Variants in PRKAR1B observed in about 807,000 individuals in gnomAD.
The protein encoded by PRKAR1B is protein kinase cAMP-dependent type I regulatory subunit beta.
A neutral mutation model predicts 46.5 loss-of-function variants in PRKAR1B; 22 were observed. The ratio of observed to expected loss-of-function variants is 0.47; its 90% CI spans 0.34 to 0.68. The LOEUF is 0.68. PRKAR1B is among the 30% of genes least tolerant of loss of function. PRKAR1B has a pLI of 0.01. For synonymous variants in PRKAR1B, 259 were observed against 217.7 expected (o/e 1.19, Z -1.67); for missense variants, 445 against 535.6 (o/e 0.83, Z 1.67).
intron 4 of PRKAR1B, among the ~76,000 whole-genome samples, chr7:654,006 C>A (rs1583362302): frequency 6.6e-6 from 1 of 151,792 alleles, no homozygotes; most frequent in East Asian, 1.9e-4. Context: ...TCATCACCAT[C>A]TCTATCTTCA....
At position 553,152 on chromosome 7, in the gene PRKAR1B, CCT is replaced by C. The variant is rs569687297; in HGVS notation, c.892-1684_892-1683del. On this transcript the variant is annotated intron_variant, in intron 9 of 10. Transcript: ENST00000537384. ...ACGGGGCTGCCGTGTCACTGTCCCC[CCT>C]GAGACTCCGCCTGCCGGGAACCTAG... 4.7e-3 allele frequency among the ~76,000 whole-genome samples: 716 copies of C among 152,298 alleles called. 2 individuals carry two copies. Among genetic ancestry groups the C allele is most frequent in the Non-Finnish European group, 6.5e-3 (445 of 68,002 alleles).
chr7:671,662 G>T (rs1258601982), intron 4 of PRKAR1B, among the ~76,000 whole-genome samples: 4 of 152,050 alleles, frequency 2.6e-5, no homozygotes, highest in African/African-American at 9.7e-5. Flanking sequence ...TGTTGCCCAG[G>T]TTAAGACACA....
chr7:638,847 C>T (rs1043930056), intron 4 of PRKAR1B, among the ~76,000 whole-genome samples: 10 of 152,146 alleles, frequency 6.6e-5, no homozygotes, highest in Non-Finnish European at 1.3e-4. Flanking sequence ...GAGGCTGAAG[C>T]GGGCGGATCA....
At chr7:588,715 TGGTGATGG>T (rs1780776571) in intron 7 of PRKAR1B, among the ~76,000 whole-genome samples, 1 of 119,542 alleles carries the variant, frequency 8.4e-6, no homozygotes, top group Admixed American at 7.8e-5. Context: ...ATGGTGATGG[TGGTGATGG>T]TGGTGAGGAT....
rs115850871 is a variant in PRKAR1B at position 704,212 on chromosome 7, G to C, written c.177+7117C>G. 8.3e-3 allele frequency among the ~76,000 whole-genome samples: 1,258 copies of C among 151,946 alleles called. 22 individuals are homozygous for C. Among genetic ancestry groups the C allele is most frequent in the African/African-American group, 0.029 (1,192 of 41,442 alleles). ...AAATGAAATAATAAAAATAAGAGGA[G>C]AAACAGATAAAATCTAAACAAAAAT... On this transcript the variant is annotated intron_variant, in intron 2 of 10. Coordinates refer to ENST00000537384, the MANE Select transcript of PRKAR1B (RefSeq NM_001164760.2).
intron 9 of PRKAR1B, among the ~76,000 whole-genome samples, chr7:559,461 C>T (rs1583200446): frequency 6.6e-6 from 1 of 152,194 alleles, no homozygotes; most frequent in African/African-American, 2.4e-5. Context: ...GTCGCACTTC[C>T]CCATGCCCGG....
At chr7:563,650 GAA>G (rs1454315981) in intron 9 of PRKAR1B, among the ~76,000 whole-genome samples, 2 of 152,078 alleles carry the variant, frequency 1.3e-5, no homozygotes, top group Non-Finnish European at 2.9e-5. Context: ...TGCCAGAACA[GAA>G]GTCTGTGTGA....
At chr7:718,807 T>C (rs944117859) in intron 1 of PRKAR1B, among the ~76,000 whole-genome samples, 6 of 151,204 alleles carry the variant, frequency 4.0e-5, no homozygotes, top group African/African-American at 1.5e-4. Flanking sequence ...TTCTCTTACA[T>C]ACTTCTTGTT....
At chr7:566,498 CCTTCAT>C (rs1779159064) in intron 9 of PRKAR1B, among the ~76,000 whole-genome samples, 1 of 1,240 alleles carries the variant, frequency 8.1e-4, no homozygotes, top group Admixed American at 9.6e-3. Flanking sequence ...ACTATCATCA[CCTTCAT>C]CACCATCATG....
At position 702,005 on chromosome 7, in the gene PRKAR1B, G is replaced by A. The variant is rs192885008; in HGVS notation, c.177+9324C>T. 3.3e-5 allele frequency among the ~76,000 whole-genome samples: 5 copies of A among 152,270 alleles called. No homozygotes were observed. The East Asian group carries it at 9.6e-4, about 29-fold the overall frequency. On this transcript the variant is annotated intron_variant, in intron 2 of 10. Transcript: ENST00000537384. The stretch of plus-strand genomic sequence containing the variant: ...GCCCCTCTTAAATTACTGAAAATAC[G>A]TGAAAGTGTTAAAAGTAAAAATTAT...
chr7:552,008 CACCCA>C (rs1784248130), intron 9 of PRKAR1B, among the ~76,000 whole-genome samples: 1 of 102,296 alleles, frequency 9.8e-6, no homozygotes, highest in Non-Finnish European at 1.9e-5. Context: ...CCCCACCTCC[CACCCA>C]GGTCCTTCTC....
At chr7:556,444 C>G (rs987319839) in intron 9 of PRKAR1B, among the ~76,000 whole-genome samples, 1 of 152,108 alleles carries the variant, frequency 6.6e-6, no homozygotes, top group African/African-American at 2.4e-5. Context: ...AGAAGGGCCT[C>G]TGGGGACGTC....
intron 9 of PRKAR1B, 47 bp from the exon 10 acceptor site, chr7:551,517 G>T (rs146439336): frequency 6.5e-7 from 1 of 1,535,126 alleles, no homozygotes; most frequent in South Asian, 1.2e-5. Context: ...GGCGGGTGCA[G>T]GGTGGGACAC....
chr7:687,723 C>A (rs1165705781), intron 2 of PRKAR1B, among the ~76,000 whole-genome samples: 1 of 152,174 alleles, frequency 6.6e-6, no homozygotes, highest in African/African-American at 2.4e-5. Context: ...AACACAAACT[C>A]CCACACAGGA....
intron 4 of PRKAR1B, among the ~76,000 whole-genome samples, chr7:632,825 G>C (rs911711995): frequency 6.8e-6 from 1 of 146,578 alleles, no homozygotes; most frequent in African/African-American, 2.5e-5. Flanking sequence ...CAACAGGTCT[G>C]GGACTCTACG....
chr7:582,719 G>A (rs1394917562), intron 8 of PRKAR1B, among the ~76,000 whole-genome samples: 2 of 152,212 alleles, frequency 1.3e-5, no homozygotes, highest in African/African-American at 2.4e-5. Context: ...TCTCGACAGC[G>A]CTGGTGAATG....
chr7:588,648 A>G (rs1780761112), intron 7 of PRKAR1B, among the ~76,000 whole-genome samples: 1 of 140,982 alleles, frequency 7.1e-6, no homozygotes, highest in African/African-American at 2.8e-5. Flanking sequence ...GATGGTGGTG[A>G]TGGTGGTGAG....
chr7:620,840 C>A (rs562216349), intron 4 of PRKAR1B, among the ~76,000 whole-genome samples: 15 of 152,210 alleles, frequency 9.9e-5, no homozygotes, highest in Non-Finnish European at 1.8e-4. Flanking sequence ...TGAAAGCCAT[C>A]AGAGCCTCAT....
intron 4 of PRKAR1B, among the ~76,000 whole-genome samples, chr7:672,312 A>G (rs1404313522): frequency 6.6e-6 from 1 of 151,918 alleles, no homozygotes; most frequent in East Asian, 2.0e-4. Flanking sequence ...AACTGTGCTC[A>G]GCCTAATTTT....
Sources: gnomAD v4.1 joint callset for allele counts (sites outside exome capture counted in the v4.1 genomes callset) on GRCh38, gnomAD v4.1.1 for gene constraint, MANE v1.5 for transcripts, NCBI Gene and HGNC (gene_info 2026-07-23, HGNC 2026-07-21) for gene names.